The following SCAF8 variants were observed in gnomAD, a reference collection of about 807,000 sequenced individuals.
SCAF8 encodes SR-related and CTD-associated factor 8.
In SCAF8, 23 loss-of-function variants were observed where a neutral mutation model predicts 140.5. That is an observed-to-expected ratio of 0.16 (90% CI 0.12 to 0.23). SCAF8 has a LOEUF of 0.23. SCAF8 is among the 10% of genes least tolerant of loss of function. The pLI is 1.00. For missense variants in SCAF8, 1,397 were observed against 1,555.7 expected (o/e 0.90, Z 1.72); for synonymous variants, 575 against 528.9 (o/e 1.09, Z -1.20).
chr6:154,773,053 C>T (rs141302234), intron 1 of SCAF8, among the ~76,000 whole-genome samples: 1 of 152,180 alleles, frequency 6.6e-6, no homozygotes, highest in African/African-American at 2.4e-5. Flanking sequence ...AGCCACCTTG[C>T]CTGGCCAGAG....
chr6:154,829,633 ATGG>A (rs1778671360), intron 18 of SCAF8, among the ~76,000 whole-genome samples: 2 of 152,198 alleles, frequency 1.3e-5, no homozygotes, highest in African/African-American at 2.4e-5. Flanking sequence ...TTGGCCGGGC[ATGG>A]TGGCTGATGC....
rs1412408764 is a variant in SCAF8 at position 154,801,869 on chromosome 6, A to G, written c.607-102A>G. 101 of 700,480 alleles carry G rather than the reference A, an allele frequency of 1.4e-4. 1 individual carries two copies. Among genetic ancestry groups the G allele is most frequent in the Non-Finnish European group, 1.6e-5 (7 of 430,404 alleles). 43.4% of individuals were successfully genotyped at this position (700,480 alleles called of 1,614,324 possible). On this transcript the variant is annotated intron_variant, in intron 6 of 19. Coordinates refer to ENST00000367178, the MANE Select transcript of SCAF8 (RefSeq NM_014892.5). ...TTAATAGTGTGTATTTTTTTCAAAG[A>G]GAGTGTGGAATGATTAATTTTACTG... is the stretch of plus-strand genomic sequence containing the variant.
chr6:154,808,888 T>G, intron 11 of SCAF8, 90 bp downstream of exon 11: 1 of 827,880 alleles, frequency 1.2e-6, no homozygotes, highest in South Asian at 1.7e-5. Context: ...AATGTTTCCT[T>G]GGGATGACAT....
chr6:154,775,466 G>A (rs1776890699), intron 2 of SCAF8, among the ~76,000 whole-genome samples: 1 of 152,196 alleles, frequency 6.6e-6, no homozygotes, highest in African/African-American at 2.4e-5. Flanking sequence ...TTGTTGAGCA[G>A]AGTACTTTCT....
chr6:154,781,519 C>G (rs1018157952), intron 3 of SCAF8, among the ~76,000 whole-genome samples: 1 of 152,198 alleles, frequency 6.6e-6, no homozygotes, highest in African/African-American at 2.4e-5. Flanking sequence ...GGAAAAGGGC[C>G]TGTATAGCGA....
At chr6:154,765,125 C>T (rs1472694695) in intron 1 of SCAF8, among the ~76,000 whole-genome samples, 1 of 152,170 alleles carries the variant, frequency 6.6e-6, no homozygotes, top group African/African-American at 2.4e-5. Context: ...CCAGCATCAT[C>T]ATCATATTCT....
intron 9 of SCAF8, among the ~76,000 whole-genome samples, chr6:154,806,979 G>C (rs1777936197): frequency 6.6e-6 from 1 of 152,232 alleles, no homozygotes; most frequent in Middle Eastern, 3.2e-3. Context: ...AGAGAGGCAG[G>C]AGGTAGTCGT....
intron 1 of SCAF8, among the ~76,000 whole-genome samples, chr6:154,767,727 C>T (rs958763406): frequency 5.3e-5 from 8 of 151,504 alleles, no homozygotes; most frequent in African/African-American, 1.7e-4. Flanking sequence ...TTTAGAGAAA[C>T]GGGGTCTTGC....
In SCAF8 at chr6:154,790,549, T is replaced by C. The variant is rs577308524; in HGVS notation, c.322-2274T>C. On this transcript the variant is annotated intron_variant, in intron 4 of 19. Coordinates refer to ENST00000367178, the MANE Select transcript of SCAF8 (RefSeq NM_014892.5). ...TTTTTGAGACGGAGTCTCGCTCTGT[T>C]GCCCAGGCTGGAGTGCAGTGGTGTA... Among the ~76,000 whole-genome samples, 19 of 123,922 alleles carry C rather than the reference T, an allele frequency of 1.5e-4. No homozygotes were observed. The South Asian group carries it at 3.2e-3, about 21-fold the overall frequency. 81.3% of individuals were successfully genotyped at this position (123,922 alleles called of 152,430 possible).
chr6:154,814,412 A>T (rs1246209934), intron 12 of SCAF8, among the ~76,000 whole-genome samples: 1 of 152,218 alleles, frequency 6.6e-6, no homozygotes, highest in African/African-American at 2.4e-5. Context: ...CTTACAGGAG[A>T]TAAACAGCTT....
chr6:154,822,204 TAAATG>T, intron 15 of SCAF8, 67 bp from the exon 16 acceptor site: 2 of 1,480,962 alleles, frequency 1.4e-6, no homozygotes, highest in East Asian at 2.3e-5. Context: ...AGATGTGAAA[TAAATG>T]AATACAAAGA....
intron 2 of SCAF8, among the ~76,000 whole-genome samples, chr6:154,776,180 A>T (rs1776910019): frequency 6.6e-6 from 1 of 151,550 alleles, no homozygotes; most frequent in Non-Finnish European, 1.5e-5. Context: ...CACACATTAT[A>T]CTTATTTGTC....
chr6:154,789,986 A>G (rs1777366991), intron 4 of SCAF8, among the ~76,000 whole-genome samples: 2 of 152,338 alleles, frequency 1.3e-5, no homozygotes, highest in East Asian at 1.9e-4. Context: ...AAATTTCACT[A>G]GTTTGGACTT....
intron 7 of SCAF8, among the ~76,000 whole-genome samples, chr6:154,802,861 C>G (rs1468016277): frequency 6.6e-6 from 1 of 152,082 alleles, no homozygotes; most frequent in Admixed American, 6.6e-5. Flanking sequence ...TTCTCTACAA[C>G]TAGTCACTAT....
chr6:154,778,249 G>A (rs1246227242), intron 3 of SCAF8, among the ~76,000 whole-genome samples: 2 of 152,154 alleles, frequency 1.3e-5, no homozygotes, highest in African/African-American at 2.4e-5. Flanking sequence ...ATGTTCATGT[G>A]CCTAAATGTA....
At chr6:154,752,969 C>T (rs1778875970) in intron 1 of SCAF8, among the ~76,000 whole-genome samples, 1 of 151,896 alleles carries the variant, frequency 6.6e-6, no homozygotes, top group African/African-American at 2.4e-5. Flanking sequence ...TTTCAAGAAC[C>T]AGTTTTAAGC....
chr6:154,771,186 C>T (rs1776756280), intron 1 of SCAF8, among the ~76,000 whole-genome samples: 1 of 152,180 alleles, frequency 6.6e-6, no homozygotes, highest in South Asian at 2.1e-4. Context: ...CATCAGATTA[C>T]AGCAGTGAAT....
chr6:154,791,991 C>A (rs764756602), intron 4 of SCAF8, among the ~76,000 whole-genome samples: 1 of 151,512 alleles, frequency 6.6e-6, no homozygotes, highest in South Asian at 2.1e-4. Flanking sequence ...CAGTGGCAAG[C>A]AGGTTTTTTA....
At chr6:154,765,592 T>A (rs1776540746) in intron 1 of SCAF8, among the ~76,000 whole-genome samples, 1 of 152,104 alleles carries the variant, frequency 6.6e-6, no homozygotes, top group Non-Finnish European at 1.5e-5. Context: ...ATCAGCAAGA[T>A]CCCTAGAAGC....
Sources: gnomAD v4.1 joint callset for allele counts (sites outside exome capture counted in the v4.1 genomes callset) on GRCh38, gnomAD v4.1.1 for gene constraint, MANE v1.5 for transcripts, NCBI Gene and HGNC (gene_info 2026-07-23, HGNC 2026-07-21) for gene names.